The following PARD3B variants were observed in gnomAD, a reference collection of about 807,000 sequenced individuals.
The protein encoded by PARD3B is par-3 family cell polarity regulator beta, also known as partitioning defective 3 homolog B.
PARD3B carries 103 observed loss-of-function variants against 130.2 expected under a neutral mutation model. The observed-to-expected ratio is 0.79, with a 90% CI of 0.67 to 0.93. The LOEUF is 0.93. Ranked by LOEUF, PARD3B falls within the 40% of genes least tolerant of loss-of-function variation. PARD3B has a pLI of 0.00. For missense variants in PARD3B, 1,609 were observed against 1,499.2 expected (o/e 1.07, Z -1.21); for synonymous variants, 583 against 553.2 (o/e 1.05, Z -0.76).
intron 2 of PARD3B, among the ~76,000 whole-genome samples, chr2:204,715,215 C>T (rs1170063780): frequency 6.6e-6 from 1 of 152,076 alleles, no homozygotes; most frequent in Non-Finnish European, 1.5e-5. Flanking sequence ...GTAGTTATTA[C>T]CCAATCACTT....
At chr2:204,773,521 A>G (rs1411575593) in intron 2 of PARD3B, among the ~76,000 whole-genome samples, 1 of 152,128 alleles carries the variant, frequency 6.6e-6, no homozygotes, top group Non-Finnish European at 1.5e-5. Context: ...CATCTTTTAC[A>G]AAACTCAACG....
chr2:204,743,557 A>C (rs1261600542), intron 2 of PARD3B, among the ~76,000 whole-genome samples: 1 of 152,154 alleles, frequency 6.6e-6, no homozygotes, highest in African/African-American at 2.4e-5. Flanking sequence ...TATTGCTTTA[A>C]TGGCGTTGTA....
At chr2:204,810,305 G>A (rs2125521570) in intron 2 of PARD3B, among the ~76,000 whole-genome samples, 1 of 152,226 alleles carries the variant, frequency 6.6e-6, no homozygotes, top group South Asian at 2.1e-4. Context: ...ATAAGATAGG[G>A]CATTCTTGTC....
intron 2 of PARD3B, among the ~76,000 whole-genome samples, chr2:204,698,741 G>A (rs1318306677): frequency 6.6e-6 from 1 of 151,952 alleles, no homozygotes; most frequent in Non-Finnish European, 1.5e-5. Flanking sequence ...AAGTGGTTAC[G>A]TCAATGCGTG....
intron 18 of PARD3B, among the ~76,000 whole-genome samples, chr2:205,399,224 C>G (rs2046151465): frequency 6.6e-6 from 1 of 151,906 alleles, no homozygotes; most frequent in African/African-American, 2.4e-5. Context: ...GAGCCGAGAT[C>G]ATGCCATGGC....
intron 16 of PARD3B, among the ~76,000 whole-genome samples, chr2:205,296,060 C>G (rs939131810): frequency 2.0e-5 from 3 of 152,142 alleles, no homozygotes; most frequent in African/African-American, 7.2e-5. Context: ...TGAACCAAAT[C>G]TAAGATTTCC....
intron 2 of PARD3B, among the ~76,000 whole-genome samples, chr2:204,818,100 G>A (rs1276941738): frequency 6.6e-6 from 1 of 152,132 alleles, no homozygotes; most frequent in East Asian, 1.9e-4. Flanking sequence ...GGTGAGAATA[G>A]TTCCACCAGA....
At chr2:205,251,207 G>A (rs927789219) in intron 16 of PARD3B, among the ~76,000 whole-genome samples, 1 of 152,118 alleles carries the variant, frequency 6.6e-6, no homozygotes, top group African/African-American at 2.4e-5. Context: ...CCTTGAGTAT[G>A]AGAGGGACAT....
chr2:205,357,679 T>G (rs1430747059), intron 18 of PARD3B, among the ~76,000 whole-genome samples: 1 of 151,968 alleles, frequency 6.6e-6, no homozygotes, highest in Admixed American at 6.6e-5. Context: ...TAAGTGATAG[T>G]GATAGATTGT....
intron 2 of PARD3B, among the ~76,000 whole-genome samples, chr2:204,742,560 CTA>C (rs1265432303): frequency 6.6e-6 from 1 of 152,148 alleles, no homozygotes; most frequent in Non-Finnish European, 1.5e-5. Flanking sequence ...GTTGCTCTGT[CTA>C]TATGGTTTTA....
At chr2:205,207,365 A>G (rs1265708722) in intron 15 of PARD3B, among the ~76,000 whole-genome samples, 29 of 147,436 alleles carry the variant, frequency 2.0e-4, no homozygotes, top group Admixed American at 1.9e-3. Flanking sequence ...AATAACTAAA[A>G]TCAGAGCAGA....
At chr2:205,445,808 T>C (rs1343997124) in intron 20 of PARD3B, among the ~76,000 whole-genome samples, 2 of 152,228 alleles carry the variant, frequency 1.3e-5, no homozygotes, top group African/African-American at 2.4e-5. Context: ...TCCAGTCCAC[T>C]TCCAAATACT....
At chr2:205,275,209 G>A (rs1016398261) in intron 16 of PARD3B, among the ~76,000 whole-genome samples, 1 of 150,764 alleles carries the variant, frequency 6.6e-6, no homozygotes, top group African/African-American at 2.4e-5. Context: ...AAAAAAAAAA[G>A]TCTCTCGAGT....
At chr2:205,518,840 C>CTTAGT (rs759033677) in intron 21 of PARD3B, among the ~76,000 whole-genome samples, 2 of 152,104 alleles carry the variant, frequency 1.3e-5, no homozygotes, top group African/African-American at 2.4e-5. Flanking sequence ...GCTTAGGAAC[C>CTTAGT]TTAGTTTAGT....
At chr2:205,369,080 C>T (rs2044717066) in intron 18 of PARD3B, among the ~76,000 whole-genome samples, 1 of 152,176 alleles carries the variant, frequency 6.6e-6, no homozygotes, top group Non-Finnish European at 1.5e-5. Flanking sequence ...GCTTTACCTA[C>T]TGAACACTTG....
chr2:205,315,229 T>C (rs930414504), intron 18 of PARD3B, among the ~76,000 whole-genome samples: 1 of 152,212 alleles, frequency 6.6e-6, no homozygotes, highest in South Asian at 2.1e-4. Flanking sequence ...AATCCAGCTC[T>C]ACTTCCTTCT....
intron 18 of PARD3B, among the ~76,000 whole-genome samples, chr2:205,385,954 T>C (rs964557506): frequency 2.9e-4 from 44 of 152,174 alleles, no homozygotes; most frequent in African/African-American, 1.1e-3. Context: ...AATCAAGGTA[T>C]TTCACTAAAC....
At chr2:204,891,300 TA>T (rs1404271292) in intron 2 of PARD3B, among the ~76,000 whole-genome samples, 1 of 151,990 alleles carries the variant, frequency 6.6e-6, no homozygotes, top group Non-Finnish European at 1.5e-5. Context: ...ACTATATCAG[TA>T]GTAATCGATC....
At position 205,455,120 on chromosome 2, in the gene PARD3B, T is replaced by C. The variant is rs575845776; in HGVS notation, c.3044+14448T>C. Among the ~76,000 whole-genome samples the C allele has an allele frequency of 9.3e-4, 142 of 152,224 alleles. 1 individual carries two copies. The highest frequency in any genetic ancestry group is 1.2e-3 in the Admixed American group (18 of 15,268). On this transcript the variant is annotated intron_variant, in intron 20 of 22. Transcript: ENST00000406610. ...CCATAGATTCTAAAGCCAAACCTTC[T>C]TGATTTAAAACCTGGCTCTGCCACT...
Sources: gnomAD v4.1 joint callset for allele counts (sites outside exome capture counted in the v4.1 genomes callset) on GRCh38, gnomAD v4.1.1 for gene constraint, MANE v1.5 for transcripts, NCBI Gene and HGNC (gene_info 2026-07-23, HGNC 2026-07-21) for gene names.